The following TMPRSS9 variants were observed in gnomAD, a reference collection of about 807,000 sequenced individuals.
TMPRSS9 encodes transmembrane protease serine 9.
In TMPRSS9, 113 loss-of-function variants were observed where a neutral mutation model predicts 111.4. That is an observed-to-expected ratio of 1.01 (90% CI 0.87 to 1.19). The LOEUF (loss-of-function observed/expected upper bound fraction) is 1.19, where lower values mean the gene tolerates loss of function less well. TMPRSS9 is among the 50% of genes most tolerant of loss of function. The pLI is 0.00. For missense variants in TMPRSS9, 1,803 were observed against 1,513.1 expected, an observed-to-expected ratio of 1.19 and a Z score of -3.18; for synonymous variants, 805 against 659.1, an observed-to-expected ratio of 1.22 and a Z score of -3.39.
At chr19:2,410,493 G>A in intron 9 of TMPRSS9, 99 bp downstream of exon 10, 1 of 1,458,482 alleles carries the variant, frequency 6.9e-7, no homozygotes, top group Non-Finnish European at 9.2e-7. Flanking sequence ...CCCGCTGTGA[G>A]CCCCCAACGC....
chr19:2,419,366 G>C (rs1056685706), intron 13 of TMPRSS9, among the ~76,000 whole-genome samples: 1 of 150,706 alleles, frequency 6.6e-6, no homozygotes, highest in African/African-American at 2.4e-5. Context: ...ACCATGCCCA[G>C]CTAATTTTTG....
rs1019291938 is a variant in TMPRSS9, at chr19:2,396,649, C to G, written c.253C>G (p.Pro85Ala). The G allele has an allele frequency of 1.5e-5, 24 of 1,608,922 alleles. No individual in the cohort carries two copies. Among genetic ancestry groups the G allele is most frequent in the Non-Finnish European group, 2.0e-5 (23 of 1,178,008 alleles). ...CTCGGACTATCACCGCACGCTGACG[C>G]CCACCCTGGAGGCACTGGTGAGGGT... Residue 85 changes from proline (P) to alanine (A), a missense_variant, in exon 2 of 18, where the codon CCC becomes GCC. Pro to Ala is a conservative substitution (Grantham distance 27, BLOSUM62 -1). Coordinates refer to ENST00000648592, the Ensembl canonical transcript of TMPRSS9.
At chr19:2,389,994 C>T in intron 1 of TMPRSS9, 67 bp downstream of exon 2, 3 of 1,551,892 alleles carry the variant, frequency 1.9e-6, no homozygotes, top group South Asian at 1.2e-5. Flanking sequence ...CGGGAAGTGA[C>T]TTGATGGTGT....
chr19:2,425,738 T>C (rs1449176860), intron 17 of TMPRSS9, 189 bp from the exon 19 acceptor site: 1 of 1,143,440 alleles, frequency 8.7e-7, no homozygotes, highest in African/African-American at 1.6e-5. Context: ...GGAGGCACCG[T>C]TCCACTCCGG....
At chr19:2,370,482 C>A (rs1208379961) in intron 1 of TMPRSS9, among the ~76,000 whole-genome samples, 1 of 151,226 alleles carries the variant, frequency 6.6e-6, no homozygotes, top group Non-Finnish European at 1.5e-5. Context: ...CAGGCTACAC[C>A]ATGCCTGGCT....
chr19:2,385,305 A>G (rs905220992), upstream of TMPRSS9, among the ~76,000 whole-genome samples: 5 of 152,046 alleles, frequency 3.3e-5, no homozygotes, highest in South Asian at 4.1e-4. Flanking sequence ...GTGTCCTGTT[A>G]CATCCCTCAG....
chr19:2,384,675 C>T (rs1401403014), intron 1 of TMPRSS9, among the ~76,000 whole-genome samples: 9 of 151,876 alleles, frequency 5.9e-5, no homozygotes, highest in African/African-American at 1.7e-4. Flanking sequence ...ATTAGCCAGG[C>T]GTGGTGGCGG....
exon 2 of TMPRSS9, chr19:2,396,645 G>A (rs781209034): frequency 1.2e-6 from 2 of 1,608,708 alleles, no homozygotes; most frequent in South Asian, 1.1e-5. Flanking sequence ...ACCGCACGCT[G>A]ACGCCCACCC....
At chr19:2,425,477 G>T (rs2049500963) in exon 17 of TMPRSS9, 3 of 1,588,712 alleles carry the variant, frequency 1.9e-6, no homozygotes, top group Non-Finnish European at 2.6e-6. Flanking sequence ...CCGCAGGGTG[G>T]CGTGGACAGC....
chr19:2,413,821 C>G, exon 10 of TMPRSS9: 2 of 1,613,780 alleles, frequency 1.2e-6, no homozygotes, highest in South Asian at 1.1e-5. Flanking sequence ...GCCCGAGTCA[C>G]CAGGCTACGT....
chr19:2,396,496 C>T lies in TMPRSS9; in HGVS notation c.143-43C>T, dbSNP rs776933176. On this transcript the variant is annotated intron_variant, in intron 1 of 17. Coordinates refer to ENST00000648592, the Ensembl canonical transcript of TMPRSS9. Reference sequence around the variant, plus strand: ...GTGGCAGCTCAGCGGAGCCCTGAGCCCCCAAAGGTGGGCTCTCTCACGGGC... The same window carrying T: ...GTGGCAGCTCAGCGGAGCCCTGAGCTCCCAAAGGTGGGCTCTCTCACGGGC... 64 of 1,547,210 alleles carry T rather than the reference C, an allele frequency of 4.1e-5. 1 individual carries two copies.
At chr19:2,382,657 ACACACATG>A (rs974140644) in intron 1 of TMPRSS9, among the ~76,000 whole-genome samples, 25 of 142,574 alleles carry the variant, frequency 1.8e-4, no homozygotes, top group Non-Finnish European at 3.1e-4. Flanking sequence ...ATGCACACAT[ACACACATG>A]CACACGTGCA....
exon 1 of TMPRSS9, chr19:2,389,899 TGTC>T: frequency 1.9e-6 from 3 of 1,613,194 alleles, no homozygotes. Context: ...CCACCAGCCT[TGTC>T]GTCCTCACCC....
chr19:2,368,464 A>G (rs898867436), intron 1 of TMPRSS9, among the ~76,000 whole-genome samples: 1 of 152,178 alleles, frequency 6.6e-6, no homozygotes, highest in African/African-American at 2.4e-5. Flanking sequence ...CGAGGAGGCC[A>G]GTGAAGCTGG....
intron 1 of TMPRSS9, among the ~76,000 whole-genome samples, chr19:2,374,707 A>C (rs893294840): frequency 2.0e-5 from 3 of 151,918 alleles, no homozygotes; most frequent in Non-Finnish European, 4.4e-5. Flanking sequence ...TTCTTGGAGG[A>C]AGGTTTCTCC....
exon 12 of TMPRSS9, chr19:2,416,577 G>C: frequency 4.3e-6 from 7 of 1,611,612 alleles, no homozygotes; most frequent in Non-Finnish European, 5.9e-6. Flanking sequence ...TGGGCACTGC[G>C]TCCCTCCTGG....
chr19:2,416,604 G>T (rs749810186), exon 12 of TMPRSS9: 101 of 1,612,406 alleles, frequency 6.3e-5, no homozygotes, highest in Non-Finnish European at 8.4e-5. Flanking sequence ...GCGGGAGCCC[G>T]GTGAAGATCG....
At chr19:2,389,820 C>G (rs1374690510) in exon 1 of TMPRSS9, 1 of 1,613,826 alleles carries the variant, frequency 6.2e-7, no homozygotes, top group Admixed American at 1.7e-5. Flanking sequence ...CACCTCGTGC[C>G]CAGGACAACC....
intron 4 of TMPRSS9, among the ~76,000 whole-genome samples, chr19:2,399,495 C>G (rs570325058): frequency 6.6e-6 from 1 of 152,214 alleles, no homozygotes; most frequent in Non-Finnish European, 1.5e-5. Context: ...AGAACTGCTT[C>G]AACCTGGGAG....
Sources: allele counts gnomAD v4.1 joint callset (sites outside exome capture counted in the v4.1 genomes callset), GRCh38; gene constraint gnomAD v4.1.1; transcripts MANE v1.5; gene names NCBI Gene and HGNC (gene_info 2026-07-23, HGNC 2026-07-21).